CTNND2: variants seen among roughly 807,000 people sequenced by gnomAD.
CTNND2 encodes catenin delta-2.
Under a neutral mutation model 144.4 loss-of-function variants are expected in CTNND2, and 22 were observed. The observed-to-expected ratio is 0.15, with a 90% CI of 0.11 to 0.22. CTNND2 has a LOEUF of 0.22. Ranked by LOEUF, CTNND2 falls within the 10% of genes least tolerant of loss-of-function variation. The pLI is 1.00. For missense variants in CTNND2, 1,353 were observed against 1,618.8 expected, an observed-to-expected ratio of 0.84 and a Z score of 2.82; for synonymous variants, 751 against 695.6, an observed-to-expected ratio of 1.08 and a Z score of -1.25.
chr5:11,078,636 CAT>C, intron 16 of CTNND2, among the ~76,000 whole-genome samples: 1 of 152,098 alleles, frequency 6.6e-6, no homozygotes, highest in East Asian at 1.9e-4. Context: ...AAAAAACACA[CAT>C]ACAAACACAC....
chr5:11,826,982 T>C (rs968365998), intron 1 of CTNND2, among the ~76,000 whole-genome samples: 2 of 152,056 alleles, frequency 1.3e-5, no homozygotes, highest in Admixed American at 6.6e-5. Context: ...CATGATGTCA[T>C]TGACATTAAC....
rs116709917 is a variant in CTNND2, at chr5:11,783,514, G to A, written c.38-51242C>T. Reference sequence around the variant, plus strand: ...TCGGGATTCCCTCTAGGCCACAGCCGTAAGCCACATTCTCCAATGTCCACT... The same window carrying A: ...TCGGGATTCCCTCTAGGCCACAGCCATAAGCCACATTCTCCAATGTCCACT... On this transcript the variant is annotated intron_variant, in intron 1 of 21. Coordinates refer to ENST00000304623, the MANE Select transcript of CTNND2 (RefSeq NM_001332.4). Among the ~76,000 whole-genome samples, 917 of 152,190 alleles carry A rather than the reference G, an allele frequency of 6.0e-3. 7 individuals carry two copies. Among genetic ancestry groups the A allele is most frequent in the African/African-American group, 0.021 (856 of 41,538 alleles).
intron 1 of CTNND2, among the ~76,000 whole-genome samples, chr5:11,863,237 T>A (rs1393658069): frequency 1.3e-5 from 2 of 152,254 alleles, no homozygotes; most frequent in Non-Finnish European, 2.9e-5. Flanking sequence ...AGATGTTCAA[T>A]AATAAAACTG....
chr5:11,708,858 A>G (rs558121441), intron 2 of CTNND2, among the ~76,000 whole-genome samples: 26 of 152,298 alleles, frequency 1.7e-4, no homozygotes, highest in Admixed American at 1.5e-3. Flanking sequence ...ACAGGCATCC[A>G]CTGATGGGAT....
In CTNND2 at chr5:11,385,225, G is replaced by A. The variant is rs1758961227; in HGVS notation, c.617C>T (p.Thr206Met). Residue 206 changes from threonine (T) to methionine (M), a missense_variant, in exon 7 of 22, where the codon ACG becomes ATG. Thr to Met is a moderately conservative substitution (Grantham distance 81). This residue lies in a region of CTNND2 where 708 missense variants were observed against 706.4 expected (regional missense o/e 1.00). Transcript: ENST00000304623. ...RATGQSFSQG[T>M]TSRAGHLAGP... ...CGCCAGGTGGCCGGCGCGGCTGGTC[G>A]TGCCCTGTGCCCGGGAGAGGAGAGA... is the stretch of plus-strand genomic sequence containing the variant. 4 of 1,055,496 alleles carry A rather than the reference G, an allele frequency of 3.8e-6. No homozygotes were observed. The highest frequency in any genetic ancestry group is 4.4e-5 in the South Asian group (1 of 22,748). The allele number at this position is 1,055,496 out of a possible 1,614,324, so 65.4% of individuals were successfully genotyped here. A position where few individuals can be genotyped will look rare whatever the true frequency, so the allele number is the denominator to read the frequency against.
At chr5:11,011,906 G>A (rs1213808866) in intron 18 of CTNND2, among the ~76,000 whole-genome samples, 1 of 152,196 alleles carries the variant, frequency 6.6e-6, no homozygotes, top group Non-Finnish European at 1.5e-5. Context: ...AAAGCAGAAA[G>A]ACAGTGGGAC....
At chr5:11,569,282 T>C (rs1400323346) in intron 2 of CTNND2, among the ~76,000 whole-genome samples, 1 of 152,176 alleles carries the variant, frequency 6.6e-6, no homozygotes, top group Non-Finnish European at 1.5e-5. Context: ...ATCTCCCCAC[T>C]ATGTGGAAAT....
intron 2 of CTNND2, among the ~76,000 whole-genome samples, chr5:11,660,231 T>C (rs1435611687): frequency 6.6e-6 from 1 of 151,874 alleles, no homozygotes; most frequent in Admixed American, 6.6e-5. Flanking sequence ...TGAAAAAGGA[T>C]GGGGGAAGGA....
chr5:11,316,958 A>C (rs990295190), intron 9 of CTNND2, among the ~76,000 whole-genome samples: 3 of 152,146 alleles, frequency 2.0e-5, no homozygotes, highest in African/African-American at 7.2e-5. Flanking sequence ...CAATGAACTC[A>C]AACAAATTTA....
intron 9 of CTNND2, among the ~76,000 whole-genome samples, chr5:11,319,368 G>C (rs1293693816): frequency 1.3e-5 from 2 of 152,134 alleles, no homozygotes; most frequent in African/African-American, 4.8e-5. Flanking sequence ...TAAAATTAGA[G>C]AGTTTTAAGA....
intron 1 of CTNND2, among the ~76,000 whole-genome samples, chr5:11,867,437 CTGTT>C (rs1795824354): frequency 6.6e-6 from 1 of 152,156 alleles, no homozygotes; most frequent in Admixed American, 6.5e-5. Flanking sequence ...CTTTAACGAG[CTGTT>C]TAAGATTTTC....
intron 12 of CTNND2, among the ~76,000 whole-genome samples, chr5:11,121,426 A>G (rs1340156605): frequency 6.6e-6 from 1 of 152,236 alleles, no homozygotes; most frequent in African/African-American, 2.4e-5. Flanking sequence ...AAATACCTGT[A>G]GATTATTTGT....
chr5:11,442,652 A>T (rs1416664325), intron 3 of CTNND2, among the ~76,000 whole-genome samples: 1 of 151,766 alleles, frequency 6.6e-6, no homozygotes, highest in Admixed American at 6.6e-5. Context: ...GACACATTGG[A>T]TTCTGCTTTG....
intron 3 of CTNND2, among the ~76,000 whole-genome samples, chr5:11,562,803 T>G (rs117384958): frequency 6.6e-6 from 1 of 152,244 alleles, no homozygotes; most frequent in Non-Finnish European, 1.5e-5. Flanking sequence ...CAACTTGAGA[T>G]GAATCAAATC....
intron 2 of CTNND2, among the ~76,000 whole-genome samples, chr5:11,660,158 T>C (rs1783116854): frequency 6.6e-6 from 1 of 152,006 alleles, no homozygotes; most frequent in South Asian, 2.1e-4. Flanking sequence ...CAGGCAATAG[T>C]AATAGAATGA....
Position 11,320,959 on chromosome 5 carries a change from T to A in CTNND2, c.1628+25413A>T, listed in dbSNP as rs60286154. ...AGCTTTACACAATCTATTTTTTGAA[T>A]TTGATAAACATCAAGATGTTTTTAA... On this transcript the variant is annotated intron_variant, in intron 9 of 21. Transcript: ENST00000304623. Among the ~76,000 whole-genome samples the A allele has an allele frequency of 9.2e-3, 1,394 of 152,348 alleles. 16 individuals are homozygous for A. Among genetic ancestry groups the A allele is most frequent in the African/African-American group, 0.032 (1,322 of 41,584 alleles).
At chr5:11,317,544 T>C (rs1751637407) in intron 9 of CTNND2, among the ~76,000 whole-genome samples, 1 of 152,226 alleles carries the variant, frequency 6.6e-6, no homozygotes, top group South Asian at 2.1e-4. Flanking sequence ...TGGTACTTTG[T>C]CCACTGAAAG....
chr5:10,975,792 C>T (rs995784337), intron 21 of CTNND2, among the ~76,000 whole-genome samples: 2 of 152,212 alleles, frequency 1.3e-5, no homozygotes, highest in African/African-American at 2.4e-5. Flanking sequence ...GGGACAGGGA[C>T]ATCTTCAGGA....
At chr5:11,203,160 A>G (rs779192158) in intron 10 of CTNND2, among the ~76,000 whole-genome samples, 3 of 152,154 alleles carry the variant, frequency 2.0e-5, no homozygotes, top group Admixed American at 6.5e-5. Context: ...GGTACCTAAC[A>G]TGCAATCTTT....
Sources: allele counts gnomAD v4.1 joint callset (sites outside exome capture counted in the v4.1 genomes callset), GRCh38; gene constraint gnomAD v4.1.1; regional missense constraint gnomAD v4.1.1; transcripts MANE v1.5; gene names NCBI Gene and HGNC (gene_info 2026-07-23, HGNC 2026-07-21).